Variants in LRBA observed in about 807,000 individuals in gnomAD.
The protein encoded by LRBA is LPS responsive beige-like anchor protein.
Under a neutral mutation model 330.0 loss-of-function variants are expected in LRBA, and 176 were observed. The observed-to-expected ratio is 0.53, with a 90% CI of 0.47 to 0.60. The LOEUF is 0.60. Among genes scored for constraint, LRBA ranks in the 20% least tolerant of loss-of-function variants. The pLI is 0.00. For missense variants in LRBA, 3,259 were observed against 3,444.8 expected (o/e 0.95, Z 1.35); for synonymous variants, 1,230 against 1,193.0 (o/e 1.03, Z -0.64).
intron 37 of LRBA, among the ~76,000 whole-genome samples, chr4:150,604,729 T>C (rs1774458833): frequency 6.6e-6 from 1 of 152,176 alleles, no homozygotes; most frequent in African/African-American, 2.4e-5. Context: ...GCCCTGGAGT[T>C]ATGCAATGCT....
chr4:150,613,057 G>A (rs1030508961), intron 37 of LRBA, among the ~76,000 whole-genome samples: 1 of 152,018 alleles, frequency 6.6e-6, no homozygotes, highest in African/African-American at 2.4e-5. Flanking sequence ...CGGTCCAATA[G>A]AAAATGAGAT....
chr4:151,004,468 G>C (rs924207023), intron 2 of LRBA, among the ~76,000 whole-genome samples: 24 of 152,190 alleles, frequency 1.6e-4, no homozygotes, highest in African/African-American at 5.8e-4. Flanking sequence ...GGGACAGAGA[G>C]TGATTTCATC....
chr4:151,000,923 A>G, intron 2 of LRBA, among the ~76,000 whole-genome samples: 1 of 152,234 alleles, frequency 6.6e-6, no homozygotes, highest in East Asian at 1.9e-4. Flanking sequence ...CACTGCGGGG[A>G]AACAGTAAGT....
intron 44 of LRBA, among the ~76,000 whole-genome samples, chr4:150,452,475 A>G (rs1753465918): frequency 6.6e-6 from 1 of 152,014 alleles, no homozygotes; most frequent in African/African-American, 2.4e-5. Context: ...TACAAAAATT[A>G]GCCGCGTGCG....
chr4:150,623,597 T>C (rs1334693848), intron 37 of LRBA, among the ~76,000 whole-genome samples: 1 of 152,060 alleles, frequency 6.6e-6, no homozygotes, highest in Non-Finnish European at 1.5e-5. Context: ...CAGAAGACTA[T>C]ACATCAAACT....
rs368783948 is a variant in LRBA, at chr4:150,654,279, C to T, written c.5921+29272G>A. 2.0e-4 allele frequency among the ~76,000 whole-genome samples: 30 copies of T among 152,174 alleles called. No homozygotes were observed. The East Asian group carries it at 5.6e-3, about 28-fold the overall frequency. On this transcript the variant is annotated intron_variant, in intron 37 of 56. Transcript: ENST00000651943. ...TTGGCTCATTGCAACCTCTGCCTCCCGGGTTCAAGCAATTCTCCTGCCTCA... is the reference window on the plus strand; with the variant it reads ...TTGGCTCATTGCAACCTCTGCCTCCTGGGTTCAAGCAATTCTCCTGCCTCA...
chr4:150,354,725 T>G (rs2151828247), intron 47 of LRBA, among the ~76,000 whole-genome samples: 1 of 151,812 alleles, frequency 6.6e-6, no homozygotes, highest in South Asian at 2.1e-4. Context: ...CTGATATCTG[T>G]TTTTTTTAAT....
chr4:150,992,300 A>C (rs1185554013), intron 2 of LRBA, among the ~76,000 whole-genome samples: 5 of 143,058 alleles, frequency 3.5e-5, no homozygotes, highest in Non-Finnish European at 7.7e-5. Context: ...TGGGCAACAG[A>C]GCGAGACTCC....
chr4:150,316,703 G>A (rs373776873), intron 50 of LRBA, among the ~76,000 whole-genome samples: 1 of 152,162 alleles, frequency 6.6e-6, no homozygotes, highest in African/African-American at 2.4e-5. Context: ...CCAAACACCA[G>A]TGGGACCTCA....
chr4:150,541,895 A>C (rs528327218), intron 40 of LRBA, among the ~76,000 whole-genome samples: 1 of 152,220 alleles, frequency 6.6e-6, no homozygotes, highest in Non-Finnish European at 1.5e-5. Flanking sequence ...ATGTTGCCCA[A>C]CCTGGTCTTG....
chr4:150,996,238 C>T (rs978971086), intron 2 of LRBA, among the ~76,000 whole-genome samples: 2 of 152,120 alleles, frequency 1.3e-5, no homozygotes, highest in African/African-American at 4.8e-5. Context: ...ATGAAACTCC[C>T]AAAGATATGC....
At chr4:150,772,892 T>G (rs1292202938) in intron 34 of LRBA, among the ~76,000 whole-genome samples, 1 of 152,068 alleles carries the variant, frequency 6.6e-6, no homozygotes, top group Non-Finnish European at 1.5e-5. Context: ...CATATCCAAA[T>G]GAGGAATACG....
chr4:150,770,103 A>G lies in LRBA; in HGVS notation c.5581-8256T>C, dbSNP rs182051645. ...CACCCGATTTGTTGAGGGCCCGAATAAAATGAAAAGGCAGAGGAAGTGGGA... is the reference window on the plus strand; with the variant it reads ...CACCCGATTTGTTGAGGGCCCGAATGAAATGAAAAGGCAGAGGAAGTGGGA... On this transcript the variant is annotated intron_variant, in intron 34 of 56. Transcript: ENST00000651943. 6.6e-4 allele frequency among the ~76,000 whole-genome samples: 100 copies of G among 152,306 alleles called. 1 individual carries two copies. In the East Asian group the frequency reaches 7.5e-3, roughly 11 times the overall value.
intron 35 of LRBA, among the ~76,000 whole-genome samples, chr4:150,757,030 A>T (rs941587005): frequency 7.4e-6 from 1 of 135,960 alleles, no homozygotes; most frequent in Non-Finnish European, 1.6e-5. Flanking sequence ...TGAAAATTTA[A>T]TTATTTAACT....
In LRBA at chr4:150,832,168, T is replaced by C. The variant is rs140174050; in HGVS notation, c.4570-192A>G. Among the ~76,000 whole-genome samples the C allele has an allele frequency of 1.8e-3, 280 of 152,226 alleles. 1 individual carries two copies. The highest frequency in any genetic ancestry group is 3.9e-3 in the African/African-American group (163 of 41,538). ...CATTAGGCAAAGACTCTTAGAAAAA[T>C]GTCTTTAAATGAGAAGCTTTATACT... On this transcript the variant is annotated intron_variant, in intron 28 of 56. Transcript: ENST00000651943.
intron 47 of LRBA, among the ~76,000 whole-genome samples, chr4:150,398,020 C>T (rs1337971374): frequency 6.6e-6 from 1 of 151,944 alleles, no homozygotes; most frequent in Admixed American, 6.6e-5. Flanking sequence ...GTGAGCATTA[C>T]AAAAATAATT....
chr4:150,802,010 T>C (rs1275757199), intron 33 of LRBA, among the ~76,000 whole-genome samples: 1 of 61,128 alleles, frequency 1.6e-5, no homozygotes, highest in Admixed American at 1.9e-4. Flanking sequence ...TCTCTATAAA[T>C]AAATAAATAA....
intron 34 of LRBA, among the ~76,000 whole-genome samples, chr4:150,783,293 G>T (rs567660872): frequency 6.6e-6 from 1 of 152,042 alleles, no homozygotes; most frequent in Non-Finnish European, 1.5e-5. Context: ...CTGTTCTCAC[G>T]AATTAGTAGC....
At chr4:150,597,091 TTC>T in intron 38 of LRBA, 1 of 1,400,316 alleles carries the variant, frequency 7.1e-7, no homozygotes, top group Non-Finnish European at 9.9e-7. Flanking sequence ...ACCTTTGCTG[TTC>T]TCTCTCAATT....
Sources: gnomAD v4.1 joint callset for allele counts (sites outside exome capture counted in the v4.1 genomes callset) on GRCh38, gnomAD v4.1.1 for gene constraint, MANE v1.5 for transcripts, NCBI Gene and HGNC (gene_info 2026-07-23, HGNC 2026-07-21) for gene names.